XPO6: variants seen among roughly 807,000 people sequenced by gnomAD.
XPO6 encodes exportin 6.
Under a neutral mutation model 130.0 loss-of-function variants are expected in XPO6, and 3 were observed. The observed-to-expected ratio is 0.02, with a 90% confidence interval of 0.01 to 0.06. XPO6 has a LOEUF of 0.06. Among genes scored for constraint, XPO6 ranks in the 10% least tolerant of loss-of-function variants. The pLI is 1.00. For missense variants in XPO6, 970 were observed against 1,393.0 expected (o/e 0.70, Z 4.83); for synonymous variants, 524 against 548.9 (o/e 0.95, Z 0.63).
intron 1 of XPO6, among the ~76,000 whole-genome samples, chr16:28,206,139 T>TACAC (rs138219018): frequency 0.062 from 8,798 of 142,786 alleles, 545 homozygotes; most frequent in East Asian, 0.16. Context: ...TAGAAAGCAA[T>TACAC]ACACACACAC....
chr16:28,099,359 G>A (rs1456909723), intron 23 of XPO6, among the ~76,000 whole-genome samples: 1 of 152,100 alleles, frequency 6.6e-6, no homozygotes, highest in African/African-American at 2.4e-5. Context: ...AGAGCCATGA[G>A]CAGGACCAAG....
chr16:28,151,584 T>A (rs1043981420), intron 8 of XPO6, among the ~76,000 whole-genome samples: 7 of 152,174 alleles, frequency 4.6e-5, no homozygotes, highest in East Asian at 3.8e-4. Context: ...GGAAAGGACA[T>A]GAGGAGATTT....
rs1283825462 is a variant in XPO6, at chr16:28,112,958, C to T, written c.2097G>A (p.Val699=). 1 of 1,614,148 alleles carries T rather than the reference C, an allele frequency of 6.2e-7. No homozygotes were observed. ...RPVFLISIPA[V]QKVFNRITDA... The stretch of plus-strand genomic sequence containing the variant: ...CAGTGATTCTGTTGAATACTTTCTG[C>T]ACTGCAGGGATGCTGATCAGAAAGA... Residue 699 remains valine (V), a synonymous_variant, in exon 16 of 24, where the codon GTG becomes GTA. Coordinates refer to ENST00000304658, the MANE Select transcript of XPO6 (RefSeq NM_015171.4).
intron 1 of XPO6, among the ~76,000 whole-genome samples, chr16:28,192,812 A>C (rs891499085): frequency 6.6e-6 from 1 of 152,292 alleles, no homozygotes; most frequent in East Asian, 1.9e-4. Context: ...ATGAGGGGAC[A>C]CAGGAAGGTT....
intron 13 of XPO6, among the ~76,000 whole-genome samples, chr16:28,124,419 C>T (rs1029707915): frequency 6.6e-6 from 1 of 152,164 alleles, no homozygotes; most frequent in African/African-American, 2.4e-5. Context: ...ATGGACTTAT[C>T]TTTGGATTTC....
intron 4 of XPO6, among the ~76,000 whole-genome samples, chr16:28,175,247 A>G (rs2043515032): frequency 6.6e-6 from 1 of 151,566 alleles, no homozygotes; most frequent in Admixed American, 6.6e-5. Flanking sequence ...CAGATCCTCT[A>G]CACCCTGCCT....
intron 1 of XPO6, among the ~76,000 whole-genome samples, chr16:28,198,814 G>A (rs949483957): frequency 2.6e-5 from 4 of 151,934 alleles, no homozygotes; most frequent in Admixed American, 6.6e-5. Flanking sequence ...CAACTCTTCC[G>A]TAAGTCTTAC....
intron 1 of XPO6, among the ~76,000 whole-genome samples, chr16:28,207,047 G>C (rs375372403): frequency 3.1e-4 from 47 of 151,814 alleles, no homozygotes; most frequent in African/African-American, 9.5e-4. Context: ...TGGAGTTCGA[G>C]ACCAGCCTGA....
intron 1 of XPO6, among the ~76,000 whole-genome samples, chr16:28,210,504 G>A (rs968445473): frequency 6.6e-6 from 1 of 152,190 alleles, no homozygotes; most frequent in African/African-American, 2.4e-5. Flanking sequence ...AAGGAGCTGT[G>A]TATACCGCAA....
intron 7 of XPO6, chr16:28,153,241 T>C (rs1172392199): frequency 5.0e-6 from 5 of 991,634 alleles, no homozygotes; most frequent in Non-Finnish European, 4.8e-6. Context: ...AGGTAAGATG[T>C]ACTCAGGCTT....
intron 6 of XPO6, among the ~76,000 whole-genome samples, chr16:28,162,032 C>T (rs1333993830): frequency 6.6e-6 from 1 of 152,188 alleles, no homozygotes; most frequent in East Asian, 1.9e-4. Context: ...ACCATGACTA[C>T]AAGCATAGAA....
chr16:28,178,882 C>A (rs1173988555), intron 2 of XPO6, among the ~76,000 whole-genome samples: 1 of 151,910 alleles, frequency 6.6e-6, no homozygotes, highest in African/African-American at 2.4e-5. Context: ...TCCTGGCCAA[C>A]ATGGCGAAAC....
rs1405726001 is a variant in XPO6 at position 28,106,212 on chromosome 16, T to C, written c.2615A>G (p.Glu872Gly). The C allele has an allele frequency of 1.9e-6, 3 of 1,613,956 alleles. No individual in the cohort carries two copies. Among genetic ancestry groups the C allele is most frequent in the South Asian group, 2.2e-5 (2 of 91,080 alleles). ...IQTFLNMFTR[E>G]QLAESILHEG... ...GTGGAGGATGCTCTCGGCTAACTGC[T>C]CTCTACAGAGGAGAAAGCCACACAG... is the stretch of plus-strand genomic sequence containing the variant. The change falls in exon 20 of 24, where the codon GAG becomes GGG. Residue 872 changes from glutamate (E) to glycine (G), a missense_variant and splice_region_variant. Around this residue, in one of 4 missense-constraint regions of XPO6, gnomAD observed 936 missense variants for 1,306.8 expected, o/e 0.72. Coordinates refer to ENST00000304658, the MANE Select transcript of XPO6 (RefSeq NM_015171.4). This position sits in a 1 kb window ranked among gnomAD's most constrained non-coding sequence, Gnocchi z 4.2.
intron 15 of XPO6, among the ~76,000 whole-genome samples, chr16:28,113,987 C>CA (rs369074154): frequency 7.2e-5 from 11 of 151,998 alleles, no homozygotes; most frequent in Non-Finnish European, 1.6e-4. Context: ...ACTAAAACTA[C>CA]AAAAAAATTC....
chr16:28,122,992 C>A (rs1351424454), intron 13 of XPO6, among the ~76,000 whole-genome samples: 1 of 152,036 alleles, frequency 6.6e-6, no homozygotes, highest in African/African-American at 2.4e-5. Context: ...GTTGAGCCCA[C>A]TGGTTGCTCA....
At chr16:28,176,755 C>T (rs186031440) in intron 3 of XPO6, among the ~76,000 whole-genome samples, 57 of 151,790 alleles carry the variant, frequency 3.8e-4, no homozygotes, top group African/African-American at 1.2e-3. Flanking sequence ...TTGATCCACC[C>T]GCCTCGGCCT....
In XPO6 at chr16:28,156,213, T is replaced by C; in HGVS notation, c.958A>G (p.Met320Val). The change falls in exon 7 of 24, where the codon ATG (methionine) becomes GTG (valine). Residue 320 changes from methionine (M) to valine (V), a missense_variant. This residue lies in a region of XPO6 where 936 missense variants were observed against 1,306.8 expected (regional missense o/e 0.72). Coordinates refer to ENST00000304658, the MANE Select transcript of XPO6 (RefSeq NM_015171.4). ...VLAMSCINEL[M>V]SKNCVPMEFE... The stretch of plus-strand genomic sequence containing the variant: ...TCCATAGGCACACAGTTCTTGGACA[T>C]GAGTTCATTGATGCAGGACATGGCC... The C allele has an allele frequency of 6.2e-7, 1 of 1,614,118 alleles. No individual in the cohort carries two copies. Among genetic ancestry groups the C allele is most frequent in the Non-Finnish European group, 8.5e-7 (1 of 1,180,012 alleles).
intron 6 of XPO6, among the ~76,000 whole-genome samples, chr16:28,162,437 GT>G: frequency 6.6e-6 from 1 of 152,270 alleles, no homozygotes; most frequent in East Asian, 1.9e-4. Context: ...ATGGAAGAGG[GT>G]AGCTTGATTA....
intron 16 of XPO6, 38 bp from the exon 17 acceptor site, chr16:28,112,044 G>A: frequency 6.3e-7 from 1 of 1,578,326 alleles, no homozygotes. Context: ...AGAGGTCAGA[G>A]CCAAAGACCG....
Sources: allele counts gnomAD v4.1 joint callset (sites outside exome capture counted in the v4.1 genomes callset), GRCh38; gene constraint gnomAD v4.1.1; regional missense constraint gnomAD v4.1.1; non-coding constraint Gnocchi (gnomAD v3.1); transcripts MANE v1.5; gene names NCBI Gene and HGNC (gene_info 2026-07-23, HGNC 2026-07-21).